The following CADM2 variants were observed in gnomAD, a reference collection of about 807,000 sequenced individuals.
CADM2 encodes the protein cell adhesion molecule 2.
Under a neutral mutation model 49.8 loss-of-function variants are expected in CADM2, and 12 were observed. That is an observed-to-expected ratio of 0.24 (90% CI 0.15 to 0.39). CADM2 has a LOEUF of 0.39. CADM2 is among the 10% of genes least tolerant of loss of function. The pLI is 1.00. For missense variants in CADM2, 378 were observed against 492.3 expected (o/e 0.77, Z 2.20); for synonymous variants, 214 against 175.4 (o/e 1.22, Z -1.74).
At chr3:85,257,737 A>G (rs904484083) in intron 1 of CADM2, among the ~76,000 whole-genome samples, 3 of 152,126 alleles carry the variant, frequency 2.0e-5, no homozygotes, top group African/African-American at 4.8e-5. Context: ...TGATATCTCA[A>G]GGATGTGAAT....
intron 1 of CADM2, among the ~76,000 whole-genome samples, chr3:84,960,818 GTA>G: frequency 6.6e-6 from 1 of 152,288 alleles, no homozygotes; most frequent in South Asian, 2.1e-4. Flanking sequence ...GCAATGCATA[GTA>G]CAGGAGTGCA....
At chr3:85,236,694 G>A (rs1414536885) in intron 1 of CADM2, among the ~76,000 whole-genome samples, 1 of 152,038 alleles carries the variant, frequency 6.6e-6, no homozygotes, top group Non-Finnish European at 1.5e-5. Flanking sequence ...CTACCATTGG[G>A]CCTTCTCTAC....
chr3:85,600,098 T>C (rs1275823800), intron 1 of CADM2, among the ~76,000 whole-genome samples: 1 of 151,994 alleles, frequency 6.6e-6, no homozygotes, highest in Non-Finnish European at 1.5e-5. Flanking sequence ...TTATTTGATA[T>C]ATTAATAATA....
chr3:85,181,295 T>C (rs1196289099), intron 1 of CADM2, among the ~76,000 whole-genome samples: 2 of 152,182 alleles, frequency 1.3e-5, no homozygotes, highest in Non-Finnish European at 1.5e-5. Flanking sequence ...ATTTTGTGGT[T>C]AATTCTTTTA....
At chr3:85,205,319 G>C (rs1220355169) in intron 1 of CADM2, among the ~76,000 whole-genome samples, 2 of 152,006 alleles carry the variant, frequency 1.3e-5, no homozygotes, top group Non-Finnish European at 2.9e-5. Context: ...CAACCTACCA[G>C]GCTTGAAAAC....
chr3:86,055,214 G>A (rs905661191), intron 8 of CADM2, among the ~76,000 whole-genome samples: 4 of 152,028 alleles, frequency 2.6e-5, no homozygotes, highest in Non-Finnish European at 5.9e-5. Context: ...TATGACATAT[G>A]CATATGTCCT....
chr3:85,686,326 G>T (rs2066214126), intron 1 of CADM2, among the ~76,000 whole-genome samples: 2 of 152,016 alleles, frequency 1.3e-5, no homozygotes, highest in African/African-American at 4.8e-5. Context: ...TGCAATATTT[G>T]GCCTCTCAGT....
intron 8 of CADM2, among the ~76,000 whole-genome samples, chr3:86,011,943 TTAAG>T (rs1303896338): frequency 1.5e-5 from 2 of 136,260 alleles, no homozygotes; most frequent in East Asian, 4.4e-4. Context: ...AAGTATACAA[TTAAG>T]TAATTAATTA....
rs375319589 is a variant in CADM2 at position 85,966,899 on chromosome 3, G to A, written c.970+5252G>A. ...TAGGATACGTCATATTTTATTGTTA[G>A]TTGGTAGGATACATTATTTTAAAAA... is the stretch of plus-strand genomic sequence containing the variant. On this transcript the variant is annotated intron_variant, in intron 8 of 9. Coordinates refer to ENST00000383699, the MANE Select transcript of CADM2 (RefSeq NM_001167675.2). Among the ~76,000 whole-genome samples the A allele has an allele frequency of 8.6e-5, 13 of 151,720 alleles. No homozygotes were observed. The East Asian group carries it at 2.5e-3, about 30-fold the overall frequency.
chr3:85,849,769 A>C (rs891351228), intron 3 of CADM2, among the ~76,000 whole-genome samples: 1 of 152,176 alleles, frequency 6.6e-6, no homozygotes, highest in Non-Finnish European at 1.5e-5. Context: ...TTTAATAGCC[A>C]TACTCTGGGG....
At chr3:85,382,433 T>G (rs2107359287) in intron 1 of CADM2, among the ~76,000 whole-genome samples, 1 of 152,254 alleles carries the variant, frequency 6.6e-6, no homozygotes, top group Non-Finnish European at 1.5e-5. Flanking sequence ...GGTGAAGGAT[T>G]AAGCCCTATT....
At chr3:85,101,978 T>C (rs192795537) in intron 1 of CADM2, among the ~76,000 whole-genome samples, 2 of 152,312 alleles carry the variant, frequency 1.3e-5, no homozygotes, top group Admixed American at 1.3e-4. Flanking sequence ...GCCCTAGTAG[T>C]AGAAGACTGA....
chr3:85,039,065 G>A (rs564218337), intron 1 of CADM2, among the ~76,000 whole-genome samples: 19 of 152,132 alleles, frequency 1.2e-4, no homozygotes, highest in African/African-American at 3.4e-4. Context: ...GGAAGAGGAA[G>A]GCCAATAAAT....
chr3:85,656,083 A>G (rs773907682), intron 1 of CADM2, among the ~76,000 whole-genome samples: 3 of 151,962 alleles, frequency 2.0e-5, no homozygotes, highest in Non-Finnish European at 4.4e-5. Context: ...CATACTTCCT[A>G]CAGTGGAGTG....
At chr3:85,993,885 G>A (rs1321565080) in intron 8 of CADM2, 7 of 151,828 alleles carry the variant, frequency 4.6e-5, no homozygotes, top group Admixed American at 4.6e-4. Context: ...TAACACCCAG[G>A]CCTTGTTATA....
At chr3:85,210,015 A>G (rs2041740321) in intron 1 of CADM2, among the ~76,000 whole-genome samples, 2 of 152,214 alleles carry the variant, frequency 1.3e-5, no homozygotes, top group African/African-American at 4.8e-5. Flanking sequence ...TGGAAGAAAA[A>G]TAGAAACTTA....
At chr3:85,118,284 T>C (rs964665200) in intron 1 of CADM2, among the ~76,000 whole-genome samples, 2 of 151,972 alleles carry the variant, frequency 1.3e-5, no homozygotes, top group African/African-American at 2.4e-5. Flanking sequence ...AAATATCATG[T>C]TATTTTGGAA....
At chr3:85,189,883 T>A (rs767813803) in intron 1 of CADM2, among the ~76,000 whole-genome samples, 5 of 96,062 alleles carry the variant, frequency 5.2e-5, no homozygotes, top group Non-Finnish European at 9.3e-5. Context: ...GGAGATATTA[T>A]CAGTATCAGT....
At chr3:85,387,331 A>G (rs1159565547) in intron 1 of CADM2, among the ~76,000 whole-genome samples, 1 of 152,206 alleles carries the variant, frequency 6.6e-6, no homozygotes, top group African/African-American at 2.4e-5. Flanking sequence ...GTTAGTGTAA[A>G]TACAATGTAA....
Sources: gnomAD v4.1 joint callset for allele counts (sites outside exome capture counted in the v4.1 genomes callset) on GRCh38, gnomAD v4.1.1 for gene constraint, MANE v1.5 for transcripts, NCBI Gene and HGNC (gene_info 2026-07-23, HGNC 2026-07-21) for gene names.